The following CDH13 variants were observed in gnomAD, a reference collection of about 807,000 sequenced individuals.
CDH13 encodes the protein cadherin-13.
Under a neutral mutation model 63.8 loss-of-function variants are expected in CDH13, and 24 were observed. The observed-to-expected ratio is 0.38, with a 90% CI of 0.27 to 0.53. The LOEUF (loss-of-function observed/expected upper bound fraction) is 0.53, where lower values mean the gene tolerates loss of function less well. Ranked by LOEUF, CDH13 falls within the 20% of genes least tolerant of loss-of-function variation. The pLI, the probability that CDH13 is intolerant of heterozygous loss-of-function variation, is 0.85. For missense variants in CDH13, 1,049 were observed against 903.1 expected (o/e 1.16, Z -2.07); for synonymous variants, 503 against 355.3 (o/e 1.42, Z -4.67).
chr16:82,842,772 G>C (rs1460250983), intron 1 of CDH13, among the ~76,000 whole-genome samples: 1 of 150,262 alleles, frequency 6.7e-6, no homozygotes, highest in Non-Finnish European at 1.5e-5. Flanking sequence ...GAATCAGTGG[G>C]AGCCCTGAAC....
At chr16:83,599,886 G>A (rs1198243111) in intron 7 of CDH13, among the ~76,000 whole-genome samples, 5 of 152,254 alleles carry the variant, frequency 3.3e-5, no homozygotes, top group Admixed American at 2.0e-4. Flanking sequence ...CAGGGTAGTG[G>A]TTCACATGTT....
At chr16:82,709,704 G>C (rs1239639193) in intron 1 of CDH13, among the ~76,000 whole-genome samples, 1 of 152,026 alleles carries the variant, frequency 6.6e-6, no homozygotes, top group African/African-American at 2.4e-5. Flanking sequence ...AGCTTAGCTT[G>C]TTTAACCTGG....
intron 6 of CDH13, among the ~76,000 whole-genome samples, chr16:83,392,510 G>C (rs998278874): frequency 6.6e-5 from 10 of 152,146 alleles, no homozygotes; most frequent in Non-Finnish European, 1.5e-5. Flanking sequence ...TCCCCTGATA[G>C]AGTTCCAAAA....
At chr16:83,792,424 G>A (rs185425390) in intron 13 of CDH13, among the ~76,000 whole-genome samples, 3 of 152,348 alleles carry the variant, frequency 2.0e-5, no homozygotes, top group African/African-American at 7.2e-5. Context: ...ACAAGAGATT[G>A]GAGCCTATTT....
intron 7 of CDH13, among the ~76,000 whole-genome samples, chr16:83,521,110 T>C (rs1425582218): frequency 6.6e-6 from 1 of 152,230 alleles, no homozygotes; most frequent in Non-Finnish European, 1.5e-5. Context: ...AGGTAAGACA[T>C]ACCCCATCAC....
chr16:83,321,581 T>A lies in CDH13; in HGVS notation c.637-23281T>A, dbSNP rs188752803. The stretch of plus-strand genomic sequence containing the variant: ...TCTCACTCTGTCGCCTAGGCTGGAG[T>A]GCAGTGGCGCAATCTTGGCTCACTG... On this transcript the variant is annotated intron_variant, in intron 5 of 13. Transcript: ENST00000567109. Among the ~76,000 whole-genome samples the A allele has an allele frequency of 2.6e-4, 34 of 131,402 alleles. No individual in the cohort carries two copies. The East Asian group carries it at 8.1e-3, about 31-fold the overall frequency. The allele number at this position is 131,402 out of a possible 152,430, so 86.2% of individuals were successfully genotyped here.
At chr16:83,602,778 G>A (rs956427338) in intron 8 of CDH13, among the ~76,000 whole-genome samples, 184 bp downstream of exon 8, 3 of 148,854 alleles carry the variant, frequency 2.0e-5, no homozygotes, top group African/African-American at 7.8e-5. Flanking sequence ...TTGTGTGTGA[G>A]GCTAAAATAC....
intron 7 of CDH13, among the ~76,000 whole-genome samples, chr16:83,582,526 C>A (rs1295032424): frequency 2.0e-5 from 3 of 152,104 alleles, no homozygotes; most frequent in Admixed American, 6.5e-5. Context: ...AGCAGGCTTC[C>A]CATGGAGGGA....
chr16:83,584,701 T>C (rs537800919), intron 7 of CDH13, among the ~76,000 whole-genome samples: 1 of 152,332 alleles, frequency 6.6e-6, no homozygotes, highest in South Asian at 2.1e-4. Context: ...TATTAGGCTA[T>C]TCTTGCATTA....
chr16:83,105,970 C>A (rs535605943), intron 3 of CDH13, among the ~76,000 whole-genome samples: 1 of 152,304 alleles, frequency 6.6e-6, no homozygotes, highest in African/African-American at 2.4e-5. Context: ...TGGTTGGGAC[C>A]ACAAAAGTTG....
intron 4 of CDH13, among the ~76,000 whole-genome samples, chr16:83,198,222 T>C (rs989431816): frequency 6.6e-6 from 1 of 151,954 alleles, no homozygotes; most frequent in Non-Finnish European, 1.5e-5. Flanking sequence ...CATTGCCAAG[T>C]ACAACAATTT....
intron 1 of CDH13, among the ~76,000 whole-genome samples, chr16:82,840,190 A>G (rs750818594): frequency 2.6e-5 from 4 of 152,042 alleles, no homozygotes; most frequent in Non-Finnish European, 5.9e-5. Context: ...AGATACACCG[A>G]TTTTGTTTGC....
chr16:82,745,601 C>T (rs1313670122), intron 1 of CDH13, among the ~76,000 whole-genome samples: 4 of 151,994 alleles, frequency 2.6e-5, no homozygotes, highest in Admixed American at 1.3e-4. Flanking sequence ...GAGACTCTGT[C>T]TCAAAAAAAA....
intron 1 of CDH13, among the ~76,000 whole-genome samples, chr16:82,791,965 G>T: frequency 6.6e-6 from 1 of 152,132 alleles, no homozygotes; most frequent in Non-Finnish European, 1.5e-5. Flanking sequence ...TAAGAACAAA[G>T]ACCCGCCCGT....
intron 4 of CDH13, among the ~76,000 whole-genome samples, chr16:83,205,764 C>A (rs759359416): frequency 6.6e-6 from 1 of 151,822 alleles, no homozygotes; most frequent in Non-Finnish European, 1.5e-5. Flanking sequence ...ACCACCACAC[C>A]CAGTTAATTT....
chr16:82,928,260 C>G (rs2042368436), intron 2 of CDH13, among the ~76,000 whole-genome samples: 1 of 151,976 alleles, frequency 6.6e-6, no homozygotes, highest in East Asian at 1.9e-4. Context: ...TCTTCTAATT[C>G]ATTTGACCAG....
At chr16:83,460,384 G>A (rs774992832) in intron 6 of CDH13, among the ~76,000 whole-genome samples, 2 of 152,190 alleles carry the variant, frequency 1.3e-5, no homozygotes, top group African/African-American at 2.4e-5. Context: ...GATAATCTCT[G>A]CAAGGAATTC....
At chr16:83,379,946 G>C (rs1234375266) in intron 6 of CDH13, among the ~76,000 whole-genome samples, 1 of 132,644 alleles carries the variant, frequency 7.5e-6, no homozygotes, top group Admixed American at 7.2e-5. Context: ...TATAGAGAGA[G>C]AGAGAGAGAG....
At chr16:83,370,833 C>T (rs957178274) in intron 6 of CDH13, among the ~76,000 whole-genome samples, 3 of 152,174 alleles carry the variant, frequency 2.0e-5, no homozygotes, top group Non-Finnish European at 4.4e-5. Flanking sequence ...TAGTATTCCA[C>T]ATTATATATG....
Sources: gnomAD v4.1 joint callset for allele counts (sites outside exome capture counted in the v4.1 genomes callset) on GRCh38, gnomAD v4.1.1 for gene constraint, MANE v1.5 for transcripts, NCBI Gene and HGNC (gene_info 2026-07-23, HGNC 2026-07-21) for gene names.